The following ITIH2 variants were observed in gnomAD, a reference collection of about 807,000 sequenced individuals.
ITIH2 encodes the protein inter-alpha-trypsin inhibitor heavy chain H2.
In ITIH2, 103 loss-of-function variants were observed where a neutral mutation model predicts 104.4. The observed-to-expected ratio is 0.99, with a 90% CI of 0.84 to 1.16. ITIH2 has a LOEUF of 1.16. Ranked by LOEUF, ITIH2 falls within the 50% of genes most tolerant of loss-of-function variation. The probability of loss-of-function intolerance (pLI) is 0.00; values close to 1 mark genes in which losing one functional copy is unlikely to be tolerated. For synonymous variants in ITIH2, 436 were observed against 435.4 expected (o/e 1.00, Z -0.02); for missense variants, 1,108 against 1,162.4 (o/e 0.95, Z 0.68).
At chr10:7,742,716 C>A (rs572466869) in intron 16 of ITIH2, among the ~76,000 whole-genome samples, 1 of 152,256 alleles carries the variant, frequency 6.6e-6, no homozygotes, top group South Asian at 2.1e-4. Flanking sequence ...TGCACTCCAG[C>A]CTGGGTGACA....
At chr10:7,719,186 G>A (rs529356326) in intron 6 of ITIH2, among the ~76,000 whole-genome samples, 16 of 152,314 alleles carry the variant, frequency 1.1e-4, no homozygotes, top group South Asian at 6.2e-4. Context: ...AAAGCTGCTC[G>A]TGGGATCAAT....
chr10:7,720,393 C>T (rs936100188), intron 6 of ITIH2, among the ~76,000 whole-genome samples: 2 of 151,888 alleles, frequency 1.3e-5, no homozygotes, highest in Non-Finnish European at 2.9e-5. Flanking sequence ...TCAAGAATCA[C>T]CAAAGGGGAT....
At position 7,732,598 on chromosome 10, in the gene ITIH2, TG is replaced by T. The variant is rs746730759; in HGVS notation, c.1787+123del. On this transcript the variant is annotated intron_variant, in intron 14 of 20. Transcript: ENST00000358415. ...GAAAGACAGCACATTAGCACAGGCT[TG>T]GATTATTACCTTCCACTAGTTCTGA... 2.3e-3 allele frequency: 2,337 copies of T among 1,020,476 alleles called. 8 individuals are homozygous for T. The highest frequency in any genetic ancestry group is 3.0e-3 in the Non-Finnish European group (2,093 of 709,086). The allele number at this position is 1,020,476 out of a possible 1,614,324, so 63.2% of individuals were successfully genotyped here. A position where few individuals can be genotyped will look rare whatever the true frequency, so the allele number is the denominator to read the frequency against.
chr10:7,735,674 C>CTTTTCTTTTCT (rs1315754609), intron 15 of ITIH2, among the ~76,000 whole-genome samples: 1 of 130,556 alleles, frequency 7.7e-6, no homozygotes, highest in Non-Finnish European at 1.6e-5. Context: ...CTTTTCTTTT[C>CTTTTCTTTTCT]TTTTTTTTTT....
Position 7,731,841 on chromosome 10 carries a change from C to A in ITIH2, c.1492C>A (p.Leu498Ile). The change falls in exon 13 of 21, where the codon CTC becomes ATC. Residue 498 changes from leucine to isoleucine, a missense_variant. Transcript: ENST00000358415. The part of the protein sequence containing the change: ...KFYNQVSTPL[L>I]RNVQFNYPHT... ...CTACAACCAGGTCTCCACTCCATTG[C>A]TCCGGAATGTTCAGTTCAACTATCC... The A allele has an allele frequency of 6.2e-7, 1 of 1,612,616 alleles. No individual in the cohort carries two copies. Among genetic ancestry groups the A allele is most frequent in the African/African-American group, 1.3e-5 (1 of 74,984 alleles).
intron 18 of ITIH2, among the ~76,000 whole-genome samples, chr10:7,744,492 T>C (rs1264413591): frequency 6.6e-6 from 1 of 152,220 alleles, no homozygotes; most frequent in Non-Finnish European, 1.5e-5. Context: ...CCTAGTCCAG[T>C]GCCTGGCATC....
chr10:7,741,248 G>A (rs890093936), intron 16 of ITIH2, among the ~76,000 whole-genome samples: 5 of 144,764 alleles, frequency 3.5e-5, no homozygotes, highest in African/African-American at 7.7e-5. Flanking sequence ...GCTCGATCTC[G>A]GCTCACTGCA....
At chr10:7,728,001 T>A (rs1350326089) in intron 11 of ITIH2, among the ~76,000 whole-genome samples, 173 bp downstream of exon 11, 2 of 152,204 alleles carry the variant, frequency 1.3e-5, no homozygotes, top group Non-Finnish European at 2.9e-5. Flanking sequence ...CTTAAGCTAC[T>A]GCTCAGACAC....
At chr10:7,708,570 T>C (rs955568612) in intron 3 of ITIH2, among the ~76,000 whole-genome samples, 3 of 152,170 alleles carry the variant, frequency 2.0e-5, no homozygotes, top group Non-Finnish European at 4.4e-5. Context: ...GGAGGCCATA[T>C]GTGTGTTTCC....
chr10:7,736,890 G>A (rs781767808), intron 15 of ITIH2, among the ~76,000 whole-genome samples: 4 of 152,152 alleles, frequency 2.6e-5, no homozygotes, highest in Non-Finnish European at 5.9e-5. Context: ...GTTATATTCA[G>A]TTACTCGCTT....
At chr10:7,718,343 T>C (rs1263588403) in intron 6 of ITIH2, among the ~76,000 whole-genome samples, 1 of 152,076 alleles carries the variant, frequency 6.6e-6, no homozygotes, top group Non-Finnish European at 1.5e-5. Flanking sequence ...AGATCCTTAA[T>C]TGCATCTGCA....
intron 20 of ITIH2, among the ~76,000 whole-genome samples, chr10:7,747,279 G>A (rs768366167): frequency 6.6e-6 from 1 of 152,088 alleles, no homozygotes; most frequent in Non-Finnish European, 1.5e-5. Context: ...TTTTAAAGCA[G>A]CTTACCCCTT....
At chr10:7,743,958 A>G (rs916110437) in intron 17 of ITIH2, 124 bp from the exon 18 acceptor site, 2 of 571,300 alleles carry the variant, frequency 3.5e-6, no homozygotes, top group Non-Finnish European at 3.0e-6. Context: ...GTTAATGTAA[A>G]TCTTGAAGCA....
At chr10:7,704,998 C>T (rs1190048431) in intron 1 of ITIH2, 110 bp from the exon 2 acceptor site, 2 of 664,428 alleles carry the variant, frequency 3.0e-6, no homozygotes, top group Admixed American at 2.7e-5. Flanking sequence ...TGTAGCAAAC[C>T]AACATGGCAC....
intron 20 of ITIH2, among the ~76,000 whole-genome samples, chr10:7,748,521 CTTTTTTTTTTTTTTTTTTTTTTTTTTT>C: frequency 3.7e-5 from 1 of 27,132 alleles, no homozygotes; most frequent in East Asian, 1.6e-3. Context: ...CCAATGCATT[CTTTTTTTTTTTTTTTTTTTTTTTTTTT>C]TTTTTTTTTT....
intron 1 of ITIH2, among the ~76,000 whole-genome samples, chr10:7,704,567 G>A (rs1278364600): frequency 1.3e-5 from 2 of 152,130 alleles, no homozygotes; most frequent in Admixed American, 6.6e-5. Flanking sequence ...GGGTTGTTTT[G>A]ATCTCTGTCT....
At chr10:7,744,049 G>C in intron 17 of ITIH2, 33 bp from the exon 18 acceptor site, 1 of 1,566,082 alleles carries the variant, frequency 6.4e-7, no homozygotes, top group Non-Finnish European at 8.8e-7. Context: ...AAATGGCACA[G>C]AAGAGAAAAC....
chr10:7,743,214 T>C lies in ITIH2; in HGVS notation c.2164T>C (p.Ser722Pro). 2 of 1,596,736 alleles carry C rather than the reference T, an allele frequency of 1.3e-6. No homozygotes were observed. The highest frequency in any genetic ancestry group is 2.3e-5 in the South Asian group (2 of 86,292). Residue 722 changes from serine (S) to proline (P), a missense_variant, in exon 17 of 21, where the codon TCA becomes CCA. By Grantham distance (74) the Ser-to-Pro change is moderately conservative (BLOSUM62 -1). Transcript: ENST00000358415. ...AAAGAACATTTGTTTCAATATTGAC[T>C]CAGAACCTGGAAAAATCCTCAACCT... ...SQKNICFNID[S>P]EPGKILNLVS...
chr10:7,717,192 T>C (rs1244290632), intron 5 of ITIH2, among the ~76,000 whole-genome samples: 1 of 152,152 alleles, frequency 6.6e-6, no homozygotes, highest in Non-Finnish European at 1.5e-5. Context: ...GACCTCGTGA[T>C]CCGCCTGCCT....
Sources: allele counts gnomAD v4.1 joint callset (sites outside exome capture counted in the v4.1 genomes callset), GRCh38; gene constraint gnomAD v4.1.1; transcripts MANE v1.5; gene names NCBI Gene and HGNC (gene_info 2026-07-23, HGNC 2026-07-21).